GARRE1: variants seen among roughly 807,000 people sequenced by gnomAD.
The protein encoded by GARRE1 is granule associated Rac and RHOG effector 1, also known as granule associated Rac and RHOG effector protein 1.
Under a neutral mutation model 103.2 loss-of-function variants are expected in GARRE1, and 49 were observed. The observed-to-expected ratio is 0.47, with a 90% CI of 0.38 to 0.60. The LOEUF is 0.60. Ranked by LOEUF, GARRE1 falls within the 20% of genes least tolerant of loss-of-function variation. GARRE1 has a pLI of 0.00. For synonymous variants in GARRE1, 505 were observed against 532.8 expected, an observed-to-expected ratio of 0.95 and a Z score of 0.72; for missense variants, 1,199 against 1,370.5, an observed-to-expected ratio of 0.87 and a Z score of 1.98.
At chr19:34,310,046 G>A (rs1445839899) in intron 2 of GARRE1, among the ~76,000 whole-genome samples, 1 of 152,202 alleles carries the variant, frequency 6.6e-6, no homozygotes, top group African/African-American at 2.4e-5. Flanking sequence ...TGATTGAATG[G>A]CAATGTTGCT....
intron 10 of GARRE1, 26 bp downstream of exon 10, chr19:34,342,481 C>T (rs1392366323): frequency 6.3e-7 from 1 of 1,578,428 alleles, no homozygotes; most frequent in Non-Finnish European, 8.6e-7. Context: ...CATCCCTCGC[C>T]CAGTGTCAAC....
intron 1 of GARRE1, among the ~76,000 whole-genome samples, chr19:34,287,087 C>T (rs901341764): frequency 2.7e-5 from 4 of 148,304 alleles, no homozygotes; most frequent in Non-Finnish European, 4.4e-5. Flanking sequence ...TGCAGTGAGC[C>T]GAGATTGCGC....
chr19:34,352,721 C>T lies in GARRE1; in HGVS notation c.2979C>T (p.Ser993=). 6.2e-7 allele frequency: 1 copy of T among 1,614,088 alleles called. No individual in the cohort carries two copies. Among genetic ancestry groups the T allele is most frequent in the Non-Finnish European group, 8.5e-7 (1 of 1,179,994 alleles). Residue 993 remains serine, a synonymous_variant, in exon 14 of 14, where the codon AGC becomes AGT. Coordinates refer to ENST00000299505, the MANE Select transcript of GARRE1 (RefSeq NM_014686.5). ...CCCCGCTTCCCAGCACGCTGCCCAG[C>T]CCCAGCGCACCACTCTATGCAGTCA... ...HPSPLPSTLP[S]PSAPLYAVTS...
chr19:34,342,250 G>A lies in GARRE1; in HGVS notation c.2316G>A (p.Leu772=). 1 of 1,614,232 alleles carries A rather than the reference G, an allele frequency of 6.2e-7. No homozygotes were observed. Among genetic ancestry groups the A allele is most frequent in the Non-Finnish European group, 8.5e-7 (1 of 1,180,040 alleles). Residue 772 remains leucine, a synonymous_variant, in exon 10 of 14, where the codon CTG becomes CTA. Coordinates refer to ENST00000299505, the MANE Select transcript of GARRE1 (RefSeq NM_014686.5). ...QQPAQAVGAG[L]SPLGQWPGIS... ...CAGCGCAGGCTGTTGGAGCAGGTCT[G>A]TCTCCTCTTGGTCAGTGGCCTGGCA... is the stretch of plus-strand genomic sequence containing the variant.
intron 1 of GARRE1, among the ~76,000 whole-genome samples, chr19:34,282,319 T>C (rs7245417): frequency 0.14 from 20,653 of 152,128 alleles, 1,898 homozygotes; most frequent in Non-Finnish European, 0.2. Context: ...ACCAGGCTAA[T>C]TTTTGTATTT....
At chr19:34,287,316 A>G (rs567288856) in intron 1 of GARRE1, among the ~76,000 whole-genome samples, 1 of 152,114 alleles carries the variant, frequency 6.6e-6, no homozygotes, top group South Asian at 2.1e-4. Context: ...GGCTGCTACT[A>G]GGTTTTTTTG....
intron 2 of GARRE1, among the ~76,000 whole-genome samples, chr19:34,318,377 G>A (rs1196822794): frequency 6.6e-6 from 1 of 152,198 alleles, no homozygotes; most frequent in Non-Finnish European, 1.5e-5. Flanking sequence ...TGGGCACTGT[G>A]CTGGATTTTG....
chr19:34,297,315 G>A (rs1377306021), intron 1 of GARRE1, among the ~76,000 whole-genome samples: 1 of 152,122 alleles, frequency 6.6e-6, no homozygotes, highest in Non-Finnish European at 1.5e-5. Context: ...GATAAAAATT[G>A]TGTTGAATCT....
intron 8 of GARRE1, among the ~76,000 whole-genome samples, chr19:34,337,596 G>A (rs928509146): frequency 3.9e-5 from 6 of 152,180 alleles, no homozygotes; most frequent in East Asian, 1.9e-4. Flanking sequence ...AGTTGTAGAC[G>A]TCAAGACTTG....
chr19:34,301,003 A>C, intron 2 of GARRE1, 35 bp downstream of exon 2: 1 of 1,561,404 alleles, frequency 6.4e-7, no homozygotes, highest in Non-Finnish European at 8.6e-7. Context: ...TGTGTAGGAA[A>C]ATATACTACA....
At chr19:34,314,423 A>G (rs1007386684) in intron 2 of GARRE1, among the ~76,000 whole-genome samples, 2 of 152,172 alleles carry the variant, frequency 1.3e-5, no homozygotes, top group African/African-American at 4.8e-5. Context: ...CTATTTAGGA[A>G]TATTTAGAAC....
Position 34,342,245 on chromosome 19 carries a change from G to A in GARRE1, c.2311G>A (p.Gly771Ser), listed in dbSNP as rs747580629. The change falls in exon 10 of 14, where the codon GGT (glycine) becomes AGT (serine). Residue 771 changes from glycine (G) to serine (S), a missense_variant. By Grantham distance (56) the Gly-to-Ser change is moderately conservative. Transcript: ENST00000299505. Reference protein sequence around the residue: ...SQQPAQAVGAGLSPLGQWPGI... With the variant: ...SQQPAQAVGASLSPLGQWPGI... ...GCAGCCAGCGCAGGCTGTTGGAGCA[G>A]GTCTGTCTCCTCTTGGTCAGTGGCC... The A allele has an allele frequency of 1.2e-6, 2 of 1,614,216 alleles. No homozygotes were observed. Among genetic ancestry groups the A allele is most frequent in the South Asian group, 2.2e-5 (2 of 91,086 alleles).
rs529917771 is a variant in GARRE1 at position 34,353,840 on chromosome 19, A to G, written c.*885A>G. ...TCAAGGGGCACTCAGAGACACCTGC[A>G]CTAGAAATTGCATTGACATTGTGAG... On this transcript the variant is annotated 3_prime_UTR_variant, in exon 14 of 14. Coordinates refer to ENST00000299505, the MANE Select transcript of GARRE1 (RefSeq NM_014686.5). 2.7e-3 allele frequency: 406 copies of G among 152,636 alleles called. 2 individuals carry two copies. Among genetic ancestry groups the G allele is most frequent in the Non-Finnish European group, 2.4e-3 (163 of 68,036 alleles). The allele number at this position is 152,636 out of a possible 1,614,324, so 9.5% of individuals were successfully genotyped here.
chr19:34,283,980 C>T (rs1206336989), intron 1 of GARRE1, among the ~76,000 whole-genome samples: 2 of 150,300 alleles, frequency 1.3e-5, no homozygotes, highest in African/African-American at 2.4e-5. Flanking sequence ...TACAGGCGCC[C>T]GCCACCATAC....
chr19:34,333,677 G>GT (rs74177138), intron 7 of GARRE1, 27 bp from the exon 8 acceptor site: 217,408 of 667,124 alleles, frequency 0.33, 19,049 homozygotes, highest in Admixed American at 0.35. Flanking sequence ...GTTGTTATTT[G>GT]TTTTTTTTTT....
chr19:34,308,501 C>G (rs2074022109), intron 2 of GARRE1, among the ~76,000 whole-genome samples: 1 of 152,134 alleles, frequency 6.6e-6, no homozygotes, highest in African/African-American at 2.4e-5. Context: ...CCTAAATTGT[C>G]TTCAGACTTT....
chr19:34,335,263 C>T (rs1246399139), intron 8 of GARRE1, among the ~76,000 whole-genome samples: 1 of 152,136 alleles, frequency 6.6e-6, no homozygotes, highest in African/African-American at 2.4e-5. Context: ...TCCACAGTTT[C>T]ACCTCTAGAA....
chr19:34,328,140 A>C lies in GARRE1; in HGVS notation c.1093A>C (p.Lys365Gln). The change falls in exon 6 of 14, where the codon AAA becomes CAA. Residue 365 changes from lysine (K) to glutamine (Q), a missense_variant. Physicochemically the swap from Lys to Gln is moderately conservative, Grantham distance 53 (BLOSUM62 1). Coordinates refer to ENST00000299505, the MANE Select transcript of GARRE1 (RefSeq NM_014686.5). ...TAATGAGTCGGCCGCCGACAATCTG[A>C]AACTTAAGACGGTAGCTTTCCATGG... ...SFNESAADNL[K>Q]LKTHTMLQLM... 1.9e-6 allele frequency: 3 copies of C among 1,613,946 alleles called. No homozygotes were observed. The highest frequency in any genetic ancestry group is 2.5e-6 in the Non-Finnish European group (3 of 1,180,020).
intron 1 of GARRE1, among the ~76,000 whole-genome samples, chr19:34,284,967 G>C (rs1184061854): frequency 6.6e-6 from 1 of 152,162 alleles, no homozygotes; most frequent in Non-Finnish European, 1.5e-5. Flanking sequence ...TGCAGTAGGA[G>C]GATCATCTGA....
Sources: gnomAD v4.1 joint callset for allele counts (sites outside exome capture counted in the v4.1 genomes callset) on GRCh38, gnomAD v4.1.1 for gene constraint, MANE v1.5 for transcripts, NCBI Gene and HGNC (gene_info 2026-07-23, HGNC 2026-07-21) for gene names.